PRMT7: variants seen among roughly 807,000 people sequenced by gnomAD.
The protein encoded by PRMT7 is protein arginine N-methyltransferase 7.
Under a neutral mutation model 85.4 loss-of-function variants are expected in PRMT7, and 75 were observed. The observed-to-expected ratio is 0.88, with a 90% confidence interval of 0.73 to 1.06. The LOEUF (loss-of-function observed/expected upper bound fraction) is 1.06, where lower values mean the gene tolerates loss of function less well. Among genes scored for constraint, PRMT7 ranks in the 50% least tolerant of loss-of-function variants. The probability of loss-of-function intolerance (pLI) is 0.00; values close to 1 mark genes in which losing one functional copy is unlikely to be tolerated. For synonymous variants in PRMT7, 397 were observed against 359.5 expected (o/e 1.10, Z -1.18); for missense variants, 868 against 915.2 (o/e 0.95, Z 0.67).
chr16:68,340,115 G>A, intron 9 of PRMT7, 147 bp downstream of exon 9: 1 of 878,558 alleles, frequency 1.1e-6, no homozygotes, highest in Non-Finnish European at 1.7e-6. Flanking sequence ...TAAAAAGCAA[G>A]CAAAGGCTAG....
At chr16:68,341,033 T>C (rs1304713707) in intron 9 of PRMT7, among the ~76,000 whole-genome samples, 1 of 152,228 alleles carries the variant, frequency 6.6e-6, no homozygotes, top group African/African-American at 2.4e-5. Flanking sequence ...GGTGTACATA[T>C]AAGGAGGTCT....
At chr16:68,350,015 G>C (rs1319686722) in intron 14 of PRMT7, among the ~76,000 whole-genome samples, 1 of 152,248 alleles carries the variant, frequency 6.6e-6, no homozygotes, top group Admixed American at 6.5e-5. Flanking sequence ...TGTGTCTCCA[G>C]TATGTGCCTC....
chr16:68,335,904 G>A (rs2084618417), intron 6 of PRMT7, among the ~76,000 whole-genome samples: 1 of 151,596 alleles, frequency 6.6e-6, no homozygotes, highest in South Asian at 2.1e-4. Flanking sequence ...AGCCTCTCAA[G>A]TAGCTGGGAT....
intron 13 of PRMT7, 59 bp downstream of exon 13, chr16:68,347,737 G>C: frequency 6.6e-7 from 1 of 1,519,368 alleles, no homozygotes. Context: ...TGGGTTGATG[G>C]CTTTGAAGTG....
intron 3 of PRMT7, among the ~76,000 whole-genome samples, chr16:68,318,204 C>T (rs1367203243): frequency 3.5e-5 from 5 of 143,792 alleles, no homozygotes; most frequent in Non-Finnish European, 4.5e-5. Context: ...ACTTTTTTTT[C>T]TTTTTTTTTT....
chr16:68,332,079 A>AT (rs1217987583), intron 6 of PRMT7, among the ~76,000 whole-genome samples: 1 of 152,122 alleles, frequency 6.6e-6, no homozygotes, highest in African/African-American at 2.4e-5. Flanking sequence ...AAACTTTGGC[A>AT]TGCAGTTGGG....
chr16:68,316,136 C>T, intron 3 of PRMT7, 62 bp downstream of exon 3: 4 of 1,410,218 alleles, frequency 2.8e-6, no homozygotes, highest in Non-Finnish European at 4.0e-6. Flanking sequence ...AAGCAGATGC[C>T]TTGGGCTCCA....
intron 4 of PRMT7, chr16:68,322,472 A>AT (rs1567647110): frequency 6.8e-6 from 3 of 440,038 alleles, no homozygotes; most frequent in South Asian, 4.8e-5. Context: ...TGCTGGGATT[A>AT]TGGGCATGAG....
intron 5 of PRMT7, among the ~76,000 whole-genome samples, chr16:68,326,803 T>C (rs1729170415): frequency 6.6e-6 from 1 of 152,046 alleles, no homozygotes; most frequent in East Asian, 1.9e-4. Flanking sequence ...CTCCTGGTAG[T>C]GTTTTGGGTG....
intron 5 of PRMT7, among the ~76,000 whole-genome samples, chr16:68,325,675 C>T (rs2083025202): frequency 6.6e-6 from 1 of 151,916 alleles, no homozygotes; most frequent in Non-Finnish European, 1.5e-5. Context: ...CCTGTAATCC[C>T]AGCTACTCAG....
In PRMT7 at chr16:68,347,309, C is replaced by T; in HGVS notation, c.1275+15C>T. 6.6e-7 allele frequency: 1 copy of T among 1,523,934 alleles called. No individual in the cohort carries two copies. Among genetic ancestry groups the T allele is most frequent in the Non-Finnish European group, 8.8e-7 (1 of 1,130,090 alleles). The allele number at this position is 1,523,934 out of a possible 1,614,324, so 94.4% of individuals were successfully genotyped here. A position where few individuals can be genotyped will look rare whatever the true frequency, so the allele number is the denominator to read the frequency against. On this transcript the variant is annotated intron_variant, in intron 12 of 18. Transcript: ENST00000441236. Reference sequence around the variant, plus strand: ...GGGTGGAGCAGGTACTGACATGCACCCTTGTCAGCCTCCTGATGTGGGCTT... The same window carrying T: ...GGGTGGAGCAGGTACTGACATGCACTCTTGTCAGCCTCCTGATGTGGGCTT...
Position 68,339,338 on chromosome 16 carries a change from T to C in PRMT7, c.521T>C (p.Val174Ala). 3 of 1,614,096 alleles carry C rather than the reference T, an allele frequency of 1.9e-6. No homozygotes were observed. Among genetic ancestry groups the C allele is most frequent in the Non-Finnish European group, 2.5e-6 (3 of 1,179,960 alleles). Residue 174 changes from valine to alanine, a missense_variant, in exon 8 of 19, where the codon GTG becomes GCG. By Grantham distance (64) the Val-to-Ala change is moderately conservative (BLOSUM62 0). Transcript: ENST00000441236. ...TAAACTTAGGAAAATTGTGAGGCCG[T>C]GCCCCACAGAGCCACCGTCTATGCA... ...RHLVEENCEA[V>A]PHRATVYAQL...
intron 5 of PRMT7, chr16:68,328,148 T>A (rs1308988810): frequency 3.2e-6 from 1 of 311,014 alleles, no homozygotes; most frequent in Admixed American, 3.0e-5. Context: ...ATGCTAATCC[T>A]CCACGCTGAC....
chr16:68,319,118 A>G (rs1178217712), intron 3 of PRMT7: 8 of 152,226 alleles, frequency 5.3e-5, no homozygotes, highest in African/African-American at 1.9e-4. Context: ...GGGGAACACG[A>G]TGGAGATTAG....
chr16:68,345,334 A>G (rs1326948828), intron 9 of PRMT7, among the ~76,000 whole-genome samples: 7 of 152,142 alleles, frequency 4.6e-5, no homozygotes, highest in Non-Finnish European at 1.0e-4. Flanking sequence ...TTTTCCTTCA[A>G]AGGAAACATT....
Position 68,344,437 on chromosome 16 carries a change from T to C in PRMT7, c.928-1238T>C, listed in dbSNP as rs1231832342. Among the ~76,000 whole-genome samples, 10 of 152,350 alleles carry C rather than the reference T, an allele frequency of 6.6e-5. No individual in the cohort carries two copies. The South Asian group carries it at 1.9e-3, about 28-fold the overall frequency. On this transcript the variant is annotated intron_variant, in intron 9 of 18. Transcript: ENST00000441236. ...CCAAACGCGTGGGTGTCATCGGTGC[T>C]CATCTCTGTTCCGGGCCCCGTGGCC...
At chr16:68,346,343 C>T (rs1597417144) in intron 11 of PRMT7, 63 bp downstream of exon 11, 12 of 1,600,666 alleles carry the variant, frequency 7.5e-6, no homozygotes, top group Non-Finnish European at 1.0e-5. Context: ...TCCCATGAAC[C>T]CCAGCACTTT....
chr16:68,332,165 C>G (rs538432590), intron 6 of PRMT7, among the ~76,000 whole-genome samples: 6 of 152,294 alleles, frequency 3.9e-5, no homozygotes, highest in Admixed American at 1.3e-4. Flanking sequence ...AGCTTTAAGT[C>G]AGGCCTTCTC....
chr16:68,329,804 C>G (rs1447151849), intron 6 of PRMT7, among the ~76,000 whole-genome samples: 1 of 151,922 alleles, frequency 6.6e-6, no homozygotes, highest in Non-Finnish European at 1.5e-5. Context: ...TTCTGACATT[C>G]TGCTTCTGCA....
Sources: gnomAD v4.1 joint callset for allele counts (sites outside exome capture counted in the v4.1 genomes callset) on GRCh38, gnomAD v4.1.1 for gene constraint, MANE v1.5 for transcripts, NCBI Gene and HGNC (gene_info 2026-07-23, HGNC 2026-07-21) for gene names.